Variants in FRMD4A observed in about 807,000 individuals in gnomAD.
The protein encoded by FRMD4A is FERM domain-containing protein 4A.
Under a neutral mutation model 129.1 loss-of-function variants are expected in FRMD4A, and 29 were observed. That is an observed-to-expected ratio of 0.22 (90% CI 0.17 to 0.31). FRMD4A has a LOEUF of 0.31. Ranked by LOEUF, FRMD4A falls within the 10% of genes least tolerant of loss-of-function variation. The pLI is 1.00. For synonymous variants in FRMD4A, 634 were observed against 571.6 expected, an observed-to-expected ratio of 1.11 and a Z score of -1.56; for missense variants, 1,272 against 1,375.8, an observed-to-expected ratio of 0.92 and a Z score of 1.19.
chr10:14,187,081 T>C (rs1490470470), intron 2 of FRMD4A, among the ~76,000 whole-genome samples: 1 of 150,446 alleles, frequency 6.6e-6, no homozygotes. Flanking sequence ...ATCATGCCTT[T>C]GTACTCTCGT....
intron 2 of FRMD4A, among the ~76,000 whole-genome samples, chr10:14,145,161 C>G (rs1383121286): frequency 6.6e-6 from 1 of 152,126 alleles, no homozygotes; most frequent in African/African-American, 2.4e-5. Flanking sequence ...TCAATAATAC[C>G]CACAAGGAAG....
intron 23 of FRMD4A, chr10:13,652,719 CAG>C (rs1048687277): frequency 2.0e-5 from 3 of 152,356 alleles, no homozygotes; most frequent in African/African-American, 7.2e-5. Flanking sequence ...TAAAAGGAAT[CAG>C]AGGCAGCAGG....
intron 4 of FRMD4A, among the ~76,000 whole-genome samples, chr10:13,805,883 G>A (rs148537617): frequency 0.032 from 4,749 of 150,442 alleles, 205 homozygotes; most frequent in African/African-American, 0.1. Context: ...TTTTGAGACA[G>A]ATTCTAACTC....
chr10:14,189,032 G>A (rs1482878659), intron 2 of FRMD4A, among the ~76,000 whole-genome samples: 1 of 152,190 alleles, frequency 6.6e-6, no homozygotes, highest in African/African-American at 2.4e-5. Context: ...ACCTTGTGCT[G>A]TTATCTTTTA....
intron 2 of FRMD4A, among the ~76,000 whole-genome samples, chr10:14,321,263 T>C (rs1234078714): frequency 6.6e-6 from 1 of 151,832 alleles, no homozygotes; most frequent in Non-Finnish European, 1.5e-5. Context: ...ACTCACAATC[T>C]ATTAAGAAAA....
At chr10:14,196,415 T>G (rs1461421788) in intron 2 of FRMD4A, among the ~76,000 whole-genome samples, 1 of 152,238 alleles carries the variant, frequency 6.6e-6, no homozygotes, top group Non-Finnish European at 1.5e-5. Flanking sequence ...CATTAAAATG[T>G]TCCTGTTATC....
At chr10:14,073,720 T>C (rs1835425169) in intron 2 of FRMD4A, among the ~76,000 whole-genome samples, 1 of 152,114 alleles carries the variant, frequency 6.6e-6, no homozygotes, top group Non-Finnish European at 1.5e-5. Flanking sequence ...ACCACCGGGA[T>C]CCTGTTGTGA....
chr10:14,287,896 C>T (rs575163250), intron 2 of FRMD4A, among the ~76,000 whole-genome samples: 1 of 152,130 alleles, frequency 6.6e-6, no homozygotes, highest in Admixed American at 6.5e-5. Flanking sequence ...TCTTTAACTT[C>T]AGAATTGACA....
intron 2 of FRMD4A, among the ~76,000 whole-genome samples, chr10:14,193,733 A>T (rs1233699470): frequency 6.6e-6 from 1 of 151,822 alleles, no homozygotes; most frequent in Non-Finnish European, 1.5e-5. Context: ...TATAACAAAT[A>T]CATATGCCTA....
intron 2 of FRMD4A, among the ~76,000 whole-genome samples, chr10:14,095,637 C>G (rs1836915497): frequency 1.3e-5 from 2 of 152,258 alleles, no homozygotes; most frequent in Non-Finnish European, 2.9e-5. Flanking sequence ...GCATCCATTT[C>G]TCCAAAATCA....
intron 2 of FRMD4A, chr10:14,326,786 C>T (rs984068325): frequency 7.5e-6 from 3 of 398,466 alleles, no homozygotes; most frequent in African/African-American, 2.1e-5. Flanking sequence ...TAGCCAAGAG[C>T]TTCCCGCTCT....
At position 14,241,683 on chromosome 10, in the gene FRMD4A, T is replaced by TAAAAAAAAAAA; in HGVS notation, c.45+88364_45+88374dup. 3.0e-3 allele frequency among the ~76,000 whole-genome samples: 70 copies of TAAAAAAAAAAA among 23,414 alleles called. 4 individuals carry two copies. The highest frequency in any genetic ancestry group is 0.024 in the Middle Eastern group (1 of 42). The allele number at this position is 23,414 out of a possible 152,430, so 15.4% of individuals were successfully genotyped here. ...GGAGAGGGATTTGTTTTACCCTCCC[T>TAAAAAAAAAAA]AAAAAAAAAAAAAAAAAAAAAAAAA... On this transcript the variant is annotated intron_variant, in intron 2 of 24. Transcript: ENST00000357447.
chr10:13,697,276 C>T (rs1056014566), intron 14 of FRMD4A, among the ~76,000 whole-genome samples: 6 of 152,020 alleles, frequency 3.9e-5, no homozygotes, highest in African/African-American at 1.5e-4. Flanking sequence ...CCTCCCTCAG[C>T]CTCCTGAGTA....
At chr10:13,822,596 T>C (rs1564860000) in intron 3 of FRMD4A, among the ~76,000 whole-genome samples, 1 of 152,170 alleles carries the variant, frequency 6.6e-6, no homozygotes, top group Non-Finnish European at 1.5e-5. Flanking sequence ...GGACACCCTC[T>C]TGAGCTGGTT....
intron 2 of FRMD4A, among the ~76,000 whole-genome samples, chr10:13,872,512 T>C (rs1476532540): frequency 6.6e-6 from 1 of 152,366 alleles, no homozygotes; most frequent in East Asian, 1.9e-4. Context: ...CCATGCACGA[T>C]GTGTGGGAAA....
intron 2 of FRMD4A, among the ~76,000 whole-genome samples, chr10:14,235,897 T>C (rs2131995381): frequency 6.6e-6 from 1 of 152,358 alleles, no homozygotes; most frequent in Non-Finnish European, 1.5e-5. Flanking sequence ...TCACCCATGA[T>C]TCTTCCAAGA....
chr10:14,014,154 C>T (rs1222859610), intron 2 of FRMD4A, among the ~76,000 whole-genome samples: 2 of 152,052 alleles, frequency 1.3e-5, no homozygotes, highest in Admixed American at 1.3e-4. Flanking sequence ...CGAACCTGCC[C>T]CCAGCTGGGG....
At chr10:13,662,583 G>A (rs10906444) in intron 19 of FRMD4A, among the ~76,000 whole-genome samples, 117,476 of 152,098 alleles carry the variant, frequency 0.77, 46,120 homozygotes, top group East Asian at 0.87. Flanking sequence ...GACGTATGGT[G>A]GTGATGGGGG....
intron 2 of FRMD4A, among the ~76,000 whole-genome samples, chr10:14,163,085 GTTAT>G (rs1840991291): frequency 6.6e-6 from 1 of 152,060 alleles, no homozygotes; most frequent in Non-Finnish European, 1.5e-5. Context: ...TAATGTGGGG[GTTAT>G]TTGAGTTCTC....
Sources: allele counts gnomAD v4.1 joint callset (sites outside exome capture counted in the v4.1 genomes callset), GRCh38; gene constraint gnomAD v4.1.1; transcripts MANE v1.5; gene names NCBI Gene and HGNC (gene_info 2026-07-23, HGNC 2026-07-21).